The following ZNF469 variants were observed in gnomAD, a reference collection of about 807,000 sequenced individuals.
The protein encoded by ZNF469 is zinc finger protein 469.
In ZNF469, 1 loss-of-function variant was observed where a neutral mutation model predicts 1.0. The ratio of observed to expected loss-of-function variants is 1.00; its 90% CI spans 0.35 to 4.73. The LOEUF (loss-of-function observed/expected upper bound fraction) is 4.73. Ranked by LOEUF, ZNF469 falls within the 30% of genes most tolerant of loss-of-function variation. ZNF469 has a pLI of 0.16. For missense variants in ZNF469, 6,100 were observed against 5,356.3 expected, an observed-to-expected ratio of 1.14 and a Z score of -4.33; for synonymous variants, 2,703 against 2,363.4, an observed-to-expected ratio of 1.14 and a Z score of -4.17.
the ZNF469 span, among the ~76,000 whole-genome samples, chr16:88,359,431 A>G: frequency 6.6e-6 from 1 of 151,786 alleles, no homozygotes; most frequent in Non-Finnish European, 1.5e-5. Context: ...CACATTTGCT[A>G]TTGTCTGCTT....
chr16:88,354,613 C>T, the ZNF469 span, among the ~76,000 whole-genome samples: 6 of 75,954 alleles, frequency 7.9e-5, no homozygotes, highest in Non-Finnish European at 1.6e-4. Flanking sequence ...CGTGCGAAGG[C>T]GCTTCTCACC....
At chr16:88,110,871 G>A in the ZNF469 span, among the ~76,000 whole-genome samples, 20,374 of 152,266 alleles carry the variant, frequency 0.13, 1,672 homozygotes, top group East Asian at 0.36. Flanking sequence ...GGAGAAATGC[G>A]TCTGCAGCCG....
Position 88,427,704 on chromosome 16 carries a change from G to A in ZNF469, c.234G>A (p.Leu78=). 1 of 1,532,590 alleles carries A rather than the reference G, an allele frequency of 6.5e-7. No individual in the cohort carries two copies. Among genetic ancestry groups the A allele is most frequent in the Non-Finnish European group, 8.8e-7 (1 of 1,141,376 alleles). 94.9% of individuals were successfully genotyped at this position (1,532,590 alleles called of 1,614,324 possible). The change falls in exon 3 of 3, where the codon CTG becomes CTA. Residue 78 remains leucine, a synonymous_variant. Coordinates refer to ENST00000565624, the MANE Select transcript of ZNF469 (RefSeq NM_001367624.2). ...ARDGELKPPS[L]RGQAPSSTPG... The stretch of plus-strand genomic sequence containing the variant: ...ACGGGGAGCTCAAGCCCCCATCCCT[G>A]AGAGGCCAGGCCCCGAGCAGCACCC...
the ZNF469 span, among the ~76,000 whole-genome samples, chr16:88,197,285 C>T: frequency 0.14 from 21,275 of 152,080 alleles, 2,194 homozygotes; most frequent in East Asian, 0.31. Flanking sequence ...TGGCTCACCG[C>T]GGGATCCTGC....
chr16:88,366,443 CCAT>C, the ZNF469 span, among the ~76,000 whole-genome samples: 4 of 150,894 alleles, frequency 2.7e-5, no homozygotes, highest in Non-Finnish European at 3.0e-5. Flanking sequence ...ACCACAACCA[CCAT>C]CATCACCACT....
the ZNF469 span, among the ~76,000 whole-genome samples, chr16:88,227,910 G>T: frequency 6.6e-6 from 1 of 152,152 alleles, no homozygotes; most frequent in African/African-American, 2.4e-5. Context: ...ATGGGACCTT[G>T]GCTCACAGGT....
the ZNF469 span, among the ~76,000 whole-genome samples, chr16:88,242,704 G>T: frequency 6.6e-6 from 1 of 151,784 alleles, no homozygotes; most frequent in Admixed American, 6.6e-5. Context: ...AGCGGGTTGA[G>T]GGTCAGCCTG....
At chr16:88,342,611 G>A in the ZNF469 span, among the ~76,000 whole-genome samples, 2 of 152,202 alleles carry the variant, frequency 1.3e-5, no homozygotes, top group African/African-American at 4.8e-5. Flanking sequence ...TCCTGCCAGG[G>A]CCCGTCATGC....
chr16:88,425,732 G>A (rs971205387), intron 2 of ZNF469, among the ~76,000 whole-genome samples: 17 of 152,244 alleles, frequency 1.1e-4, no homozygotes, highest in Non-Finnish European at 2.2e-4. Context: ...AGGACTCCCA[G>A]GCCTTTGCCC....
chr16:88,214,579 C>T, the ZNF469 span, among the ~76,000 whole-genome samples: 11 of 151,992 alleles, frequency 7.2e-5, no homozygotes, highest in South Asian at 2.1e-4. Flanking sequence ...TAGGTATACA[C>T]GTGCCATGGT....
At chr16:88,380,522 CGCACTA>C (rs2092519238), upstream of ZNF469, among the ~76,000 whole-genome samples, 3 of 113,788 alleles carry the variant, frequency 2.6e-5, no homozygotes, top group Admixed American at 8.8e-5. Flanking sequence ...TGCACACACA[CGCACTA>C]ACACACACGC....
chr16:88,260,375 T>C, the ZNF469 span, among the ~76,000 whole-genome samples: 725 of 152,320 alleles, frequency 4.8e-3, 5 homozygotes, highest in African/African-American at 0.017. The surrounding 1 kb of genome is among the most constrained non-coding windows in gnomAD (Gnocchi z 4.1). Context: ...CCTAAGGCCT[T>C]GGACTGAGCA....
chr16:88,371,189 C>T, the ZNF469 span, among the ~76,000 whole-genome samples: 3 of 152,234 alleles, frequency 2.0e-5, no homozygotes, highest in Non-Finnish European at 1.5e-5. Flanking sequence ...GAGCATCCCA[C>T]AGACATGGCA....
chr16:88,194,091 G>A, the ZNF469 span, among the ~76,000 whole-genome samples: 108 of 152,226 alleles, frequency 7.1e-4, no homozygotes, highest in African/African-American at 2.5e-3. Flanking sequence ...TTAAGCTCCC[G>A]CCCCTGGTTA....
intron 1 of ZNF469, among the ~76,000 whole-genome samples, chr16:88,400,098 G>A (rs1904812411): frequency 1.3e-5 from 2 of 152,236 alleles, no homozygotes; most frequent in South Asian, 2.1e-4. Context: ...CGGGCCAGCC[G>A]TTCATCAGCA....
In ZNF469 at chr16:88,435,559, A is replaced by G. The variant is rs748426466; in HGVS notation, c.8089A>G (p.Thr2697Ala). Residue 2697 changes from threonine to alanine, a missense_variant, in exon 3 of 3, where the codon ACT becomes GCT. Physicochemically the swap from Thr to Ala is moderately conservative, Grantham distance 58. Transcript: ENST00000565624. ...CGGGGAGCAGCCGCCTCGCTTGGCC[A>G]CTCTGGGACCTGGGGTGATGGAGGG... Reference protein sequence around the residue: ...ADGEQPPRLATLGPGVMEGAA... With the variant: ...ADGEQPPRLAALGPGVMEGAA... 68 of 1,549,688 alleles carry G rather than the reference A, an allele frequency of 4.4e-5. No homozygotes were observed. Among genetic ancestry groups the G allele is most frequent in the Non-Finnish European group, 5.1e-5 (59 of 1,146,950 alleles).
chr16:88,321,142 C>T, the ZNF469 span, among the ~76,000 whole-genome samples: 3 of 152,258 alleles, frequency 2.0e-5, no homozygotes, highest in Non-Finnish European at 2.9e-5. Flanking sequence ...GGACCAAGCT[C>T]CTCCTGTCCA....
the ZNF469 span, among the ~76,000 whole-genome samples, chr16:88,252,750 A>C: frequency 1.3e-5 from 2 of 152,162 alleles, no homozygotes; most frequent in East Asian, 3.9e-4. Context: ...ACATATGTTA[A>C]GTGTGTGATT....
In ZNF469 at chr16:88,434,527, C is replaced by G; in HGVS notation, c.7057C>G (p.Pro2353Ala). The part of the protein sequence containing the change: ...QAVTAVPTEP[P>A]TLQGAGPDSP... ...TGTCACAGCTGTGCCCACTGAGCCT[C>G]CCACGCTACAGGGTGCAGGGCCGGA... Residue 2353 changes from proline to alanine, a missense_variant, in exon 3 of 3, where the codon CCC becomes GCC. Coordinates refer to ENST00000565624, the MANE Select transcript of ZNF469 (RefSeq NM_001367624.2). 6.5e-7 allele frequency: 1 copy of G among 1,550,330 alleles called. No homozygotes were observed. Among genetic ancestry groups the G allele is most frequent in the Non-Finnish European group, 8.7e-7 (1 of 1,146,958 alleles).
Sources: gnomAD v4.1 joint callset for allele counts (sites outside exome capture counted in the v4.1 genomes callset) on GRCh38, gnomAD v4.1.1 for gene constraint, Gnocchi (gnomAD v3.1) non-coding constraint, MANE v1.5 for transcripts, NCBI Gene and HGNC (gene_info 2026-07-23, HGNC 2026-07-21) for gene names.